Variants in TTLL5 observed in about 807,000 individuals in gnomAD.
The protein encoded by TTLL5 is tubulin tyrosine ligase like 5, also known as tubulin polyglutamylase TTLL5.
TTLL5 carries 132 observed loss-of-function variants against 168.4 expected under a neutral mutation model. The ratio of observed to expected loss-of-function variants is 0.78; its 90% confidence interval spans 0.68 to 0.91. The LOEUF is 0.91. TTLL5 is among the 40% of genes least tolerant of loss of function. TTLL5 has a pLI of 0.00. For missense variants in TTLL5, 1,545 were observed against 1,581.5 expected (o/e 0.98, Z 0.39); for synonymous variants, 546 against 558.6 (o/e 0.98, Z 0.32).
At chr14:75,863,976 T>G in intron 29 of TTLL5, 114 bp downstream of exon 29, 1 of 1,162,772 alleles carries the variant, frequency 8.6e-7, no homozygotes. Context: ...TCCAACCCCG[T>G]GCCATCCTGG....
rs1217242558 is a variant in TTLL5, at chr14:75,731,370, T to TACAC, written c.1043-965_1043-964insCACA. Among the ~76,000 whole-genome samples the TACAC allele has an allele frequency of 5.2e-3, 410 of 78,630 alleles. 5 individuals carry two copies. The highest frequency in any genetic ancestry group is 0.019 in the African/African-American group (384 of 20,716). 51.6% of individuals were successfully genotyped at this position (78,630 alleles called of 152,430 possible). ...ATAGATATAGCTATAAATATACACA[T>TACAC]ACATACACACACACACACACACACA... is the stretch of plus-strand genomic sequence containing the variant. On this transcript the variant is annotated intron_variant, in intron 12 of 31. Transcript: ENST00000298832.
intron 15 of TTLL5, among the ~76,000 whole-genome samples, chr14:75,739,273 T>C (rs554494822): frequency 2.6e-5 from 4 of 152,354 alleles, no homozygotes; most frequent in African/African-American, 9.6e-5. Flanking sequence ...AAAGCCTTTC[T>C]GGCTTTATTC....
chr14:75,935,376 A>G (rs1240397236), intron 31 of TTLL5, among the ~76,000 whole-genome samples: 1 of 152,194 alleles, frequency 6.6e-6, no homozygotes, highest in African/African-American at 2.4e-5. Flanking sequence ...CAGCTGCAAT[A>G]ATTTAGCTCC....
At position 75,683,639 on chromosome 14, in the gene TTLL5, A is replaced by G. The variant is rs142072074; in HGVS notation, c.354A>G (p.Lys118=). 3.1e-4 allele frequency: 498 copies of G among 1,613,894 alleles called. 3 individuals are homozygous for G. In the African/African-American group the frequency reaches 5.9e-3, roughly 19 times the overall value. ...FLLRTLSEAQ[K]VNHFPRSYEL... ...TGCGCACCCTCTCTGAAGCACAAAAAGTTAATCACTTTCCCAGGTAATGCT... is the reference window on the plus strand; with the variant it reads ...TGCGCACCCTCTCTGAAGCACAAAAGGTTAATCACTTTCCCAGGTAATGCT... Residue 118 remains lysine (K), a synonymous_variant, in exon 5 of 32, where the codon AAA becomes AAG. Coordinates refer to ENST00000298832, the MANE Select transcript of TTLL5 (RefSeq NM_015072.5).
intron 15 of TTLL5, among the ~76,000 whole-genome samples, chr14:75,740,211 A>G (rs1384306345): frequency 6.6e-6 from 1 of 152,202 alleles, no homozygotes; most frequent in Non-Finnish European, 1.5e-5. Context: ...TCCCCTTTTA[A>G]AAATCTTGTC....
chr14:75,676,481 C>A (rs909889841), intron 3 of TTLL5, among the ~76,000 whole-genome samples: 1 of 152,160 alleles, frequency 6.6e-6, no homozygotes, highest in Non-Finnish European at 1.5e-5. Context: ...TACCCACCAG[C>A]CTTATTGCAC....
chr14:75,681,665 A>G (rs1244790468), intron 4 of TTLL5, 38 bp downstream of exon 4: 3 of 1,581,522 alleles, frequency 1.9e-6, no homozygotes, highest in Admixed American at 3.3e-5. Flanking sequence ...ATCTGCTCAT[A>G]AGCTGAAAAT....
chr14:75,665,223 A>T (rs1339486014), intron 2 of TTLL5, among the ~76,000 whole-genome samples: 1 of 152,256 alleles, frequency 6.6e-6, no homozygotes, highest in Non-Finnish European at 1.5e-5. Flanking sequence ...CTGTTTTACT[A>T]ATACATTAAA....
At position 75,904,018 on chromosome 14, in the gene TTLL5, G is replaced by C. The variant is rs562217942; in HGVS notation, c.3823+1794G>C. On this transcript the variant is annotated intron_variant, in intron 31 of 31. Coordinates refer to ENST00000298832, the MANE Select transcript of TTLL5 (RefSeq NM_015072.5). ...ATATAGGGAAGGCGCTATAACTACT[G>C]TAACTACACCCGGGCCACTACTACC... 6.3e-4 allele frequency: 628 copies of C among 996,776 alleles called. 11 individuals carry two copies. The South Asian group carries it at 0.015, about 23-fold the overall frequency. 61.7% of individuals were successfully genotyped at this position (996,776 alleles called of 1,614,324 possible). A position where few individuals can be genotyped will look rare whatever the true frequency, so the allele number is the denominator to read the frequency against.
chr14:75,756,471 A>C (rs1322463635), intron 18 of TTLL5, among the ~76,000 whole-genome samples: 2 of 151,850 alleles, frequency 1.3e-5, no homozygotes, highest in Non-Finnish European at 2.9e-5. Flanking sequence ...TACTGAATTA[A>C]ATACACACGT....
chr14:75,801,111 A>G (rs748173299), intron 27 of TTLL5, among the ~76,000 whole-genome samples: 3 of 152,052 alleles, frequency 2.0e-5, no homozygotes, highest in Non-Finnish European at 2.9e-5. Flanking sequence ...TTTTTTCTTC[A>G]GCTACCAGGA....
At chr14:75,834,224 G>A (rs565114722) in intron 28 of TTLL5, among the ~76,000 whole-genome samples, 9 of 152,288 alleles carry the variant, frequency 5.9e-5, no homozygotes, top group South Asian at 2.1e-4. Context: ...TGAAAATGGC[G>A]GAGATTTGTG....
chr14:75,843,089 T>A (rs1896345578), intron 28 of TTLL5, among the ~76,000 whole-genome samples: 1 of 152,170 alleles, frequency 6.6e-6, no homozygotes, highest in Non-Finnish European at 1.5e-5. Flanking sequence ...TCCAGGATAT[T>A]TTCTCCCCTT....
chr14:75,718,235 G>A (rs1887598174), intron 10 of TTLL5, among the ~76,000 whole-genome samples: 1 of 152,122 alleles, frequency 6.6e-6, no homozygotes, highest in Non-Finnish European at 1.5e-5. Flanking sequence ...TTAGGAATGG[G>A]AATTTAATAG....
chr14:75,736,060 CCTTTA>C (rs1888886421), intron 15 of TTLL5, among the ~76,000 whole-genome samples: 1 of 152,168 alleles, frequency 6.6e-6, no homozygotes, highest in Non-Finnish European at 1.5e-5. Context: ...TCCATCGTCA[CCTTTA>C]CTTTTCATTT....
chr14:75,776,698 G>A, intron 22 of TTLL5, 49 bp from the exon 23 acceptor site: 1 of 1,353,720 alleles, frequency 7.4e-7, no homozygotes, highest in East Asian at 2.3e-5. Flanking sequence ...TATTTATTAG[G>A]AGTCAGTTTT....
intron 27 of TTLL5, among the ~76,000 whole-genome samples, chr14:75,802,983 A>T (rs1893413938): frequency 6.6e-6 from 1 of 152,216 alleles, no homozygotes; most frequent in South Asian, 2.1e-4. Flanking sequence ...CAGGCTAAGG[A>T]TGTCACAGGA....
At chr14:75,845,728 A>C (rs1896509646) in intron 28 of TTLL5, among the ~76,000 whole-genome samples, 1 of 152,214 alleles carries the variant, frequency 6.6e-6, no homozygotes, top group Non-Finnish European at 1.5e-5. Context: ...GTCCATGGTC[A>C]CACCTGAGGT....
chr14:75,782,251 C>T (rs1482934559), intron 24 of TTLL5, among the ~76,000 whole-genome samples: 2 of 151,920 alleles, frequency 1.3e-5, no homozygotes, highest in East Asian at 3.8e-4. Flanking sequence ...GTTTAGGTAC[C>T]GTTCGCCAGT....
Sources: gnomAD v4.1 joint callset for allele counts (sites outside exome capture counted in the v4.1 genomes callset) on GRCh38, gnomAD v4.1.1 for gene constraint, MANE v1.5 for transcripts, NCBI Gene and HGNC (gene_info 2026-07-23, HGNC 2026-07-21) for gene names.